The following BBX variants were observed in gnomAD, a reference collection of about 807,000 sequenced individuals.
BBX encodes HMG box transcription factor BBX.
Under a neutral mutation model 100.2 loss-of-function variants are expected in BBX, and 30 were observed. The ratio of observed to expected loss-of-function variants is 0.30; its 90% confidence interval spans 0.22 to 0.41. BBX has a LOEUF of 0.41. BBX is among the 10% of genes least tolerant of loss of function. BBX has a pLI of 1.00. For synonymous variants in BBX, 376 were observed against 388.1 expected (o/e 0.97, Z 0.37); for missense variants, 1,023 against 1,129.8 (o/e 0.91, Z 1.35).
chr3:107,764,900 C>G (rs1390914105), intron 10 of BBX, among the ~76,000 whole-genome samples: 1 of 152,176 alleles, frequency 6.6e-6, no homozygotes. Flanking sequence ...CATTTGTAAA[C>G]CCCACTACAG....
chr3:107,569,471 C>G (rs2051179675), intron 2 of BBX, among the ~76,000 whole-genome samples: 1 of 151,610 alleles, frequency 6.6e-6, no homozygotes, highest in Admixed American at 6.6e-5. Context: ...CGAAAAGAGC[C>G]AGTAAAGGGA....
intron 3 of BBX, among the ~76,000 whole-genome samples, chr3:107,655,706 T>C (rs1300039486): frequency 3.4e-5 from 5 of 148,186 alleles, no homozygotes; most frequent in African/African-American, 1.2e-4. Context: ...TTTATTTTAT[T>C]TTTTTTTTTT....
At chr3:107,784,107 T>A (rs1297200233) in intron 13 of BBX, among the ~76,000 whole-genome samples, 5 of 152,012 alleles carry the variant, frequency 3.3e-5, no homozygotes, top group African/African-American at 1.2e-4. Context: ...GCATTTAGAT[T>A]ATATCTGTGA....
Position 107,530,384 on chromosome 3 carries a change from C to T in BBX, c.-84+3986C>T, listed in dbSNP as rs897775504. Among the ~76,000 whole-genome samples the T allele has an allele frequency of 4.9e-4, 74 of 149,924 alleles. 1 individual carries two copies. Among genetic ancestry groups the T allele is most frequent in the Non-Finnish European group, 7.7e-4 (52 of 67,506 alleles). ...TGGGCGACAGAGCAAGACTCTGTCT[C>T]CAAAACAAAACAAAACAAAACAAAA... is the stretch of plus-strand genomic sequence containing the variant. On this transcript the variant is annotated intron_variant, in intron 2 of 17. Transcript: ENST00000325805.
At chr3:107,797,816 T>C (rs1308803150) in intron 15 of BBX, among the ~76,000 whole-genome samples, 1 of 152,116 alleles carries the variant, frequency 6.6e-6, no homozygotes, top group Non-Finnish European at 1.5e-5. Flanking sequence ...TATCAAATGA[T>C]TCATTGGGGT....
At chr3:107,568,867 G>A (rs2051135879) in intron 2 of BBX, among the ~76,000 whole-genome samples, 1 of 152,074 alleles carries the variant, frequency 6.6e-6, no homozygotes, top group Admixed American at 6.6e-5. Context: ...GTTCATTTTA[G>A]ATACATCCAA....
intron 2 of BBX, among the ~76,000 whole-genome samples, chr3:107,563,748 A>T (rs2050679962): frequency 6.6e-6 from 1 of 152,192 alleles, no homozygotes; most frequent in Non-Finnish European, 1.5e-5. Context: ...AGGATGCTTC[A>T]TGAAAACAGG....
intron 15 of BBX, among the ~76,000 whole-genome samples, chr3:107,797,765 T>G (rs2069898938): frequency 6.6e-6 from 1 of 152,140 alleles, no homozygotes; most frequent in Admixed American, 6.5e-5. Flanking sequence ...ACAGGTGTCT[T>G]CCTTGCTCTT....
intron 2 of BBX, among the ~76,000 whole-genome samples, chr3:107,606,089 A>T (rs1576470579): frequency 6.6e-6 from 1 of 152,330 alleles, no homozygotes; most frequent in East Asian, 1.9e-4. Context: ...CCCTTTAAAA[A>T]TTGATTTTAA....
chr3:107,735,629 A>T (rs1459966648), intron 7 of BBX, among the ~76,000 whole-genome samples: 4 of 152,040 alleles, frequency 2.6e-5, no homozygotes, highest in Non-Finnish European at 4.4e-5. Flanking sequence ...GATTTCTTTT[A>T]AAAAAGCATC....
At chr3:107,650,939 A>G (rs2057802349) in intron 3 of BBX, among the ~76,000 whole-genome samples, 2 of 152,186 alleles carry the variant, frequency 1.3e-5, no homozygotes, top group Admixed American at 1.3e-4. Flanking sequence ...TTGTACCACC[A>G]GAAAGGGCTG....
At chr3:107,570,404 T>G (rs758096427) in intron 2 of BBX, among the ~76,000 whole-genome samples, 1 of 152,172 alleles carries the variant, frequency 6.6e-6, no homozygotes, top group Non-Finnish European at 1.5e-5. Flanking sequence ...TTCTGACCTT[T>G]TAGGGTCTAG....
At position 107,789,790 on chromosome 3, in the gene BBX, C is replaced by G; in HGVS notation, c.2207C>G (p.Pro736Arg). The G allele has an allele frequency of 6.5e-7, 1 of 1,527,886 alleles. No individual in the cohort carries two copies. Among genetic ancestry groups the G allele is most frequent in the South Asian group, 1.2e-5 (1 of 82,920 alleles). 94.6% of individuals were successfully genotyped at this position (1,527,886 alleles called of 1,614,324 possible). A position where few individuals can be genotyped will look rare whatever the true frequency, so the allele number is the denominator to read the frequency against. ...SSEPTKTSKGPFQSQKKNLFH... is the reference protein window; with the variant it reads ...SSEPTKTSKGRFQSQKKNLFH... ...TTTATATTAATATTGTCTGTAGGTC[C>G]TTTCCAGTCTCAGAAAAAGAACTTA... The change falls in exon 14 of 18, where the codon CCT becomes CGT. Residue 736 changes from proline to arginine, a missense_variant. By Grantham distance (103) the Pro-to-Arg change is moderately radical (BLOSUM62 -2). Coordinates refer to ENST00000325805, the MANE Select transcript of BBX (RefSeq NM_001142568.3).
At chr3:107,683,248 G>GT (rs1181976969) in intron 3 of BBX, among the ~76,000 whole-genome samples, 1 of 152,032 alleles carries the variant, frequency 6.6e-6, no homozygotes, top group Non-Finnish European at 1.5e-5. Flanking sequence ...CTTGTTAGAG[G>GT]TCCCCCCTGC....
intron 8 of BBX, among the ~76,000 whole-genome samples, chr3:107,746,388 A>G (rs892077301): frequency 6.6e-6 from 1 of 152,194 alleles, no homozygotes; most frequent in Non-Finnish European, 1.5e-5. Context: ...TTTGACCAAG[A>G]AAAGTTCTAA....
At chr3:107,759,442 T>G (rs935629487) in intron 10 of BBX, among the ~76,000 whole-genome samples, 9 of 152,276 alleles carry the variant, frequency 5.9e-5, no homozygotes, top group African/African-American at 2.2e-4. Flanking sequence ...CGTTTTGAAA[T>G]TAATTAGGTC....
intron 7 of BBX, among the ~76,000 whole-genome samples, chr3:107,743,114 C>G (rs760852446): frequency 6.6e-6 from 1 of 152,032 alleles, no homozygotes; most frequent in Non-Finnish European, 1.5e-5. Context: ...AGATTTCTGT[C>G]TTATGCACAC....
At chr3:107,694,346 C>A in intron 3 of BBX, among the ~76,000 whole-genome samples, 1 of 118,128 alleles carries the variant, frequency 8.5e-6, no homozygotes, top group Admixed American at 9.4e-5. Context: ...ATAGATAGCT[C>A]TTATTATTTT....
At chr3:107,681,096 GA>G (rs2059549296) in intron 3 of BBX, among the ~76,000 whole-genome samples, 1 of 152,122 alleles carries the variant, frequency 6.6e-6, no homozygotes, top group Non-Finnish European at 1.5e-5. Flanking sequence ...TAATGCTTTA[GA>G]AACCTGTTTT....
Sources: gnomAD v4.1 joint callset for allele counts (sites outside exome capture counted in the v4.1 genomes callset) on GRCh38, gnomAD v4.1.1 for gene constraint, MANE v1.5 for transcripts, NCBI Gene and HGNC (gene_info 2026-07-23, HGNC 2026-07-21) for gene names.